GLG1: variants seen among roughly 807,000 people sequenced by gnomAD.
GLG1 encodes Golgi apparatus protein 1.
In GLG1, 38 loss-of-function variants were observed where a neutral mutation model predicts 160.5. The observed-to-expected ratio is 0.24, with a 90% CI of 0.18 to 0.31. GLG1 has a LOEUF of 0.31. Ranked by LOEUF, GLG1 falls within the 10% of genes least tolerant of loss-of-function variation. The probability of loss-of-function intolerance (pLI) is 1.00; values close to 1 mark genes in which losing one functional copy is unlikely to be tolerated. For synonymous variants in GLG1, 644 were observed against 543.4 expected (o/e 1.19, Z -2.57); for missense variants, 1,373 against 1,505.2 (o/e 0.91, Z 1.45).
chr16:74,570,370 T>C (rs986871989), intron 1 of GLG1, among the ~76,000 whole-genome samples: 5 of 152,160 alleles, frequency 3.3e-5, no homozygotes, highest in African/African-American at 1.2e-4. Context: ...ATAATAATTG[T>C]GAAGCATTTC....
At chr16:74,566,778 A>G (rs905907470) in intron 1 of GLG1, among the ~76,000 whole-genome samples, 5 of 152,248 alleles carry the variant, frequency 3.3e-5, no homozygotes, top group East Asian at 1.9e-4. Context: ...GAGAAAGTGC[A>G]TAATAAATAT....
chr16:74,587,956 G>T (rs868167664), intron 1 of GLG1, among the ~76,000 whole-genome samples: 1 of 152,104 alleles, frequency 6.6e-6, no homozygotes, highest in African/African-American at 2.4e-5. Context: ...CAAATCAAAC[G>T]TCTATAGGTG....
rs185916876 is a variant in GLG1 at position 74,489,721 on chromosome 16, T to C, written c.1449+1280A>G. On this transcript the variant is annotated intron_variant, in intron 8 of 25. Transcript: ENST00000422840. Reference sequence around the variant, plus strand: ...TGCCCAGGTTGGTATTTTAAAGAAGTTACATTTGTCTGTTTTCCCACCATG... The same window carrying C: ...TGCCCAGGTTGGTATTTTAAAGAAGCTACATTTGTCTGTTTTCCCACCATG... 3.8e-4 allele frequency among the ~76,000 whole-genome samples: 58 copies of C among 152,244 alleles called. No individual in the cohort carries two copies. The East Asian group carries it at 7.3e-3, about 19-fold the overall frequency.
chr16:74,587,043 AAT>A (rs774428610), intron 1 of GLG1, among the ~76,000 whole-genome samples: 3 of 152,120 alleles, frequency 2.0e-5, no homozygotes, highest in Non-Finnish European at 4.4e-5. Flanking sequence ...TCCCACATTT[AAT>A]ATGTCAGAAG....
intron 1 of GLG1, among the ~76,000 whole-genome samples, chr16:74,605,735 A>G (rs1958550980): frequency 6.6e-6 from 1 of 152,074 alleles, no homozygotes; most frequent in South Asian, 2.1e-4. Context: ...AACAAATCTG[A>G]TATTTAAAAA....
In GLG1 at chr16:74,465,691, G is replaced by A. The variant is rs2303275; in HGVS notation, c.2652C>T (p.Cys884=). 196,934 of 1,612,828 alleles carry A rather than the reference G, an allele frequency of 0.12. 12,760 individuals are homozygous for A. Among genetic ancestry groups the A allele is most frequent in the East Asian group, 0.17 (7,683 of 44,850 alleles). Residue 884 remains cysteine, a synonymous_variant, in exon 19 of 26, where the codon TGC becomes TGT. Transcript: ENST00000422840. ...GGCTTCTCACCTTTATCATCTGCTT[G>A]CAGACCCTCATGAGGGTGTAGTCTA... ...PELDYTLMRV[C]KQMIKRFCPE... is the part of the protein sequence containing the mutation.
At chr16:74,480,776 T>A (rs2015570481) in intron 10 of GLG1, among the ~76,000 whole-genome samples, 1 of 152,024 alleles carries the variant, frequency 6.6e-6, no homozygotes, top group Non-Finnish European at 1.5e-5. Flanking sequence ...GGTCTCAAAC[T>A]CCTGAGCTCA....
At chr16:74,521,365 C>T (rs1199718118) in intron 2 of GLG1, among the ~76,000 whole-genome samples, 1 of 152,086 alleles carries the variant, frequency 6.6e-6, no homozygotes, top group Non-Finnish European at 1.5e-5. Flanking sequence ...ATAGACTAAG[C>T]AGGAGGGAGA....
rs2018326412 is a variant in GLG1, at chr16:74,555,481, G to C, written c.439-23328C>G. Among the ~76,000 whole-genome samples, 3 of 152,066 alleles carry C rather than the reference G, an allele frequency of 2.0e-5. No homozygotes were observed. In the South Asian group the frequency reaches 6.2e-4, roughly 31 times the overall value. On this transcript the variant is annotated intron_variant, in intron 1 of 25. Transcript: ENST00000422840. ...GCAAGACAACTGCTTGAGCCCAGGA[G>C]TTCAAGACCAGCCTGGGCAACACAG... is the stretch of plus-strand genomic sequence containing the variant.
chr16:74,476,089 C>T (rs1391704434), intron 12 of GLG1, among the ~76,000 whole-genome samples: 2 of 151,462 alleles, frequency 1.3e-5, no homozygotes, highest in Non-Finnish European at 2.9e-5. Context: ...GTCTGGGGCA[C>T]AAGAATTGCT....
At chr16:74,518,752 G>A (rs2017065257) in intron 2 of GLG1, among the ~76,000 whole-genome samples, 1 of 152,170 alleles carries the variant, frequency 6.6e-6, no homozygotes, top group Admixed American at 6.5e-5. Context: ...TCATCAGAGT[G>A]AACAGGCAAC....
chr16:74,593,449 T>G (rs1466880595), intron 1 of GLG1, among the ~76,000 whole-genome samples: 4 of 149,908 alleles, frequency 2.7e-5, no homozygotes, highest in African/African-American at 9.9e-5. Context: ...TTTTTTTTTT[T>G]TGGAGACAGA....
At chr16:74,481,538 G>C (rs1004247351) in intron 10 of GLG1, among the ~76,000 whole-genome samples, 4 of 152,094 alleles carry the variant, frequency 2.6e-5, no homozygotes, top group African/African-American at 9.7e-5. Context: ...ACACTCAGTA[G>C]ACTATTTAGG....
intron 7 of GLG1, among the ~76,000 whole-genome samples, chr16:74,491,950 T>TAAAAC (rs976579008): frequency 1.9e-4 from 29 of 150,908 alleles, no homozygotes; most frequent in African/African-American, 2.4e-4. Context: ...ACAAAAAGAT[T>TAAAAC]AAAACAAAAC....
intron 1 of GLG1, among the ~76,000 whole-genome samples, chr16:74,599,833 C>T (rs998217319): frequency 4.0e-5 from 6 of 151,230 alleles, no homozygotes; most frequent in Non-Finnish European, 8.8e-5. Flanking sequence ...CACTGCACTC[C>T]AGCCTGGGTG....
chr16:74,604,390 T>C (rs1388758361), intron 1 of GLG1, among the ~76,000 whole-genome samples: 1 of 152,210 alleles, frequency 6.6e-6, no homozygotes, highest in Non-Finnish European at 1.5e-5. Context: ...CGACACCATT[T>C]TATACGGTAT....
chr16:74,519,661 G>C (rs186445873), intron 2 of GLG1, among the ~76,000 whole-genome samples: 1 of 151,422 alleles, frequency 6.6e-6, no homozygotes, highest in East Asian at 1.9e-4. Context: ...TGAGTCAAAC[G>C]GTTCTATAAA....
intron 15 of GLG1, 126 bp from the exon 16 acceptor site, chr16:74,470,199 G>C (rs12716764): frequency 1 from 684,793 of 687,192 alleles, 341,248 homozygotes; most frequent in East Asian, 1. Context: ...TGACCCACAC[G>C]TGAGACATCA....
chr16:74,481,320 T>G (rs2015591133), intron 10 of GLG1, among the ~76,000 whole-genome samples: 1 of 152,248 alleles, frequency 6.6e-6, no homozygotes, highest in African/African-American at 2.4e-5. Context: ...ATGAGCCTGC[T>G]TCTTCTCCAC....
Sources: allele counts gnomAD v4.1 joint callset (sites outside exome capture counted in the v4.1 genomes callset), GRCh38; gene constraint gnomAD v4.1.1; transcripts MANE v1.5; gene names NCBI Gene and HGNC (gene_info 2026-07-23, HGNC 2026-07-21).